ITPR1: variants seen among roughly 807,000 people sequenced by gnomAD.
The protein encoded by ITPR1 is inositol 1,4,5-trisphosphate receptor type 1.
Under a neutral mutation model 318.4 loss-of-function variants are expected in ITPR1, and 96 were observed. The observed-to-expected ratio is 0.30, with a 90% confidence interval of 0.26 to 0.36. The LOEUF is 0.36. Ranked by LOEUF, ITPR1 falls within the 10% of genes least tolerant of loss-of-function variation. ITPR1 has a pLI of 1.00. For missense variants in ITPR1, 2,440 were observed against 3,460.2 expected, an observed-to-expected ratio of 0.71 and a Z score of 7.40; for synonymous variants, 1,312 against 1,289.9, an observed-to-expected ratio of 1.02 and a Z score of -0.37.
At position 4,735,167 on chromosome 3, in the gene ITPR1, G is replaced by A. The variant is rs772418098; in HGVS notation, c.5357G>A (p.Gly1786Glu). The A allele has an allele frequency of 6.2e-7, 1 of 1,611,790 alleles. No individual in the cohort carries two copies. The change falls in exon 44 of 62, where the codon GGA becomes GAA. Residue 1786 changes from glycine to glutamate, a missense_variant. Around this residue, in one of 23 missense-constraint regions of ITPR1, gnomAD observed 166 missense variants for 143.7 expected, o/e 1.16. Coordinates refer to ENST00000649015, the MANE Select transcript of ITPR1 (RefSeq NM_001378452.1). ...AAACAATATTCCATCTTCTTAGGGG[G>A]AGGTTCCGGATCCAGCTCTATGAGC... ...GGPGKPGGGG[G>E]GSGSSSMSRG...
chr3:4,609,065 TATATATATATATATATATATATATAC>T (rs549091289), intron 4 of ITPR1, among the ~76,000 whole-genome samples: 7,732 of 88,454 alleles, frequency 0.087, 442 homozygotes, highest in Middle Eastern at 0.13. Flanking sequence ...TATATATATA[TATATATATATATATATATATATATAC>T]ACACACACGT....
At position 4,806,091 on chromosome 3, in the gene ITPR1, C is replaced by G; in HGVS notation, c.7108-12C>G. 2.5e-6 allele frequency: 4 copies of G among 1,609,842 alleles called. No individual in the cohort carries two copies. The South Asian group carries it at 4.4e-5, about 18-fold the overall frequency. On this transcript the variant is annotated splice_polypyrimidine_tract_variant and intron_variant, in intron 54 of 61. Coordinates refer to ENST00000649015, the MANE Select transcript of ITPR1 (RefSeq NM_001378452.1). The stretch of plus-strand genomic sequence containing the variant: ...GTCCGTGCCATCTGACTGTTCCTGT[C>G]ATTGTTCTCAGGTATGCAATAAAAT...
chr3:4,780,016 G>A (rs1174775524), intron 49 of ITPR1, among the ~76,000 whole-genome samples: 1 of 152,074 alleles, frequency 6.6e-6, no homozygotes, highest in African/African-American at 2.4e-5. Flanking sequence ...ATGGGGGACA[G>A]TGTGGTTACG....
At chr3:4,636,150 A>G (rs1269746160) in intron 5 of ITPR1, among the ~76,000 whole-genome samples, 1 of 152,150 alleles carries the variant, frequency 6.6e-6, no homozygotes, top group Non-Finnish European at 1.5e-5. Flanking sequence ...CCTAGCCCAG[A>G]CTTGGTTTTG....
intron 2 of ITPR1, among the ~76,000 whole-genome samples, chr3:4,512,897 C>T (rs867129527): frequency 4.6e-5 from 7 of 151,926 alleles, no homozygotes; most frequent in Admixed American, 2.6e-4. Flanking sequence ...GGGTGGAGTG[C>T]GGGAGCTGAG....
In ITPR1 at chr3:4,698,409, T is replaced by G. The variant is rs529036762; in HGVS notation, c.4407+1137T>G. On this transcript the variant is annotated intron_variant, in intron 34 of 61. Coordinates refer to ENST00000649015, the MANE Select transcript of ITPR1 (RefSeq NM_001378452.1). ...TTAAAAATCTCAAACTCCTCCTAGT[T>G]TTTTAATCCCATTAGCCTAGGGATT... 1.2e-4 allele frequency among the ~76,000 whole-genome samples: 19 copies of G among 152,252 alleles called. No homozygotes were observed. In the South Asian group the frequency reaches 3.7e-3, roughly 30 times the overall value.
chr3:4,820,245 A>G (rs899922470), intron 60 of ITPR1, among the ~76,000 whole-genome samples: 52 of 152,122 alleles, frequency 3.4e-4, no homozygotes, highest in Non-Finnish European at 4.7e-4. Flanking sequence ...AATGACCTTC[A>G]TTTGCATTCG....
chr3:4,587,278 T>TC (rs1216253227), intron 4 of ITPR1, among the ~76,000 whole-genome samples: 2 of 150,154 alleles, frequency 1.3e-5, no homozygotes, highest in Non-Finnish European at 3.0e-5. Context: ...ATGGTTTTTT[T>TC]TTTTTTTTTT....
intron 4 of ITPR1, among the ~76,000 whole-genome samples, chr3:4,608,778 G>T (rs2091874975): frequency 6.6e-6 from 1 of 151,784 alleles, no homozygotes; most frequent in African/African-American, 2.4e-5. Context: ...AAGGCAGGTG[G>T]ATCACTTGAG....
intron 4 of ITPR1, among the ~76,000 whole-genome samples, chr3:4,567,428 G>C (rs2087424689): frequency 6.6e-6 from 1 of 152,128 alleles, no homozygotes; most frequent in Admixed American, 6.5e-5. Context: ...TTAAATTGTT[G>C]TAGGAAAGGA....
chr3:4,547,904 ACT>A (rs1478174968), intron 4 of ITPR1, among the ~76,000 whole-genome samples: 1 of 151,588 alleles, frequency 6.6e-6, no homozygotes, highest in African/African-American at 2.4e-5. Context: ...TTTTTTTTTC[ACT>A]CTGTTAAATT....
chr3:4,753,797 G>T (rs1279966487), intron 44 of ITPR1, among the ~76,000 whole-genome samples: 1 of 152,160 alleles, frequency 6.6e-6, no homozygotes, highest in Non-Finnish European at 1.5e-5. Flanking sequence ...AACGTGGCTG[G>T]TGTAGACACC....
intron 41 of ITPR1, 88 bp from the exon 42 acceptor site, chr3:4,727,038 T>G: frequency 9.1e-7 from 1 of 1,093,746 alleles, no homozygotes; most frequent in Non-Finnish European, 1.4e-6. Context: ...ATATATGAAC[T>G]CTCAATGTAT....
intron 42 of ITPR1, among the ~76,000 whole-genome samples, chr3:4,730,119 A>G (rs911846051): frequency 1.3e-5 from 2 of 151,574 alleles, no homozygotes; most frequent in African/African-American, 2.4e-5. Flanking sequence ...AGAGATTTGC[A>G]TAACTTTTAA....
At position 4,814,372 on chromosome 3, in the gene ITPR1, C is replaced by G. The variant is rs1361554259; in HGVS notation, c.7562-51C>G. On this transcript the variant is annotated intron_variant, in intron 57 of 61. Transcript: ENST00000649015. ...GGAAACAGGATTTCAAAATCCCGGT[C>G]TCTCTTTTCTCCTCACGTTTTCTCT... 3.1e-6 allele frequency: 5 copies of G among 1,599,244 alleles called. No individual in the cohort carries two copies. The African/African-American group carries it at 5.4e-5, about 17-fold the overall frequency.
chr3:4,505,125 T>C (rs977685657), intron 2 of ITPR1, among the ~76,000 whole-genome samples: 1 of 152,200 alleles, frequency 6.6e-6, no homozygotes, highest in East Asian at 1.9e-4. Flanking sequence ...GCCTCTTGGC[T>C]TGCCAGGTGC....
At chr3:4,766,763 T>G (rs1466218148) in intron 45 of ITPR1, 53 bp downstream of exon 45, 13 of 1,383,348 alleles carry the variant, frequency 9.4e-6, no homozygotes, top group African/African-American at 1.4e-5. Context: ...AGAAGAGTCC[T>G]TGTTATCCTT....
At chr3:4,782,578 T>C in intron 49 of ITPR1, 41 bp from the exon 50 acceptor site, 1 of 1,574,418 alleles carries the variant, frequency 6.4e-7, no homozygotes, top group South Asian at 1.2e-5. Context: ...GTGTGGGTCT[T>C]CCTTGAAACA....
chr3:4,659,087 A>G (rs779346614), intron 13 of ITPR1, among the ~76,000 whole-genome samples: 27 of 152,228 alleles, frequency 1.8e-4, no homozygotes, highest in Non-Finnish European at 3.2e-4. Context: ...TTTAAGACAC[A>G]TAGGGTTATT....
Sources: allele counts gnomAD v4.1 joint callset (sites outside exome capture counted in the v4.1 genomes callset), GRCh38; gene constraint gnomAD v4.1.1; regional missense constraint gnomAD v4.1.1; transcripts MANE v1.5; gene names NCBI Gene and HGNC (gene_info 2026-07-23, HGNC 2026-07-21).